The following AGPAT5 variants were observed in gnomAD, a reference collection of about 807,000 sequenced individuals.
The protein encoded by AGPAT5 is 1-acyl-sn-glycerol-3-phosphate acyltransferase epsilon.
Under a neutral mutation model 45.6 loss-of-function variants are expected in AGPAT5, and 46 were observed. The ratio of observed to expected loss-of-function variants is 1.01; its 90% CI spans 0.80 to 1.29. AGPAT5 has a LOEUF of 1.29. Ranked by LOEUF, AGPAT5 falls within the 50% of genes most tolerant of loss-of-function variation. The pLI is 0.00. For missense variants in AGPAT5, 673 were observed against 450.7 expected, an observed-to-expected ratio of 1.49 and a Z score of -4.47; for synonymous variants, 272 against 167.0, an observed-to-expected ratio of 1.63 and a Z score of -4.85.
chr8:6,755,121 A>G lies in AGPAT5; in HGVS notation c.816A>G (p.Glu272=). The stretch of plus-strand genomic sequence containing the variant: ...GTATCGACAAAAAAGATGTCCCAGA[A>G]GAACAAGAACATATGAGAAGATGGC... The part of the protein sequence containing the change: ...IDRIDKKDVP[E]EQEHMRRWLH... Residue 272 remains glutamate, a synonymous_variant, in exon 7 of 8, where the codon GAA becomes GAG. Transcript: ENST00000285518. 6.2e-7 allele frequency: 1 copy of G among 1,609,344 alleles called. No homozygotes were observed. The highest frequency in any genetic ancestry group is 1.1e-5 in the South Asian group (1 of 89,326).
chr8:6,757,104 T>C lies in AGPAT5; in HGVS notation c.870-59T>C, dbSNP rs532610949. 5.3e-6 allele frequency: 7 copies of C among 1,323,760 alleles called. No homozygotes were observed. In the East Asian group the frequency reaches 1.7e-4, roughly 32 times the overall value. 82.0% of individuals were successfully genotyped at this position (1,323,760 alleles called of 1,614,324 possible). A position where few individuals can be genotyped will look rare whatever the true frequency, so the allele number is the denominator to read the frequency against. Reference sequence around the variant, plus strand: ...GCGTGTAATAGCTACCTGATTGATATTTTTTGAATTGAAATACTGAAGTGA... The same window carrying C: ...GCGTGTAATAGCTACCTGATTGATACTTTTTGAATTGAAATACTGAAGTGA... On this transcript the variant is annotated intron_variant, in intron 7 of 7. Transcript: ENST00000285518.
intron 1 of AGPAT5, among the ~76,000 whole-genome samples, chr8:6,710,415 A>G (rs1240435667): frequency 1.3e-5 from 2 of 152,220 alleles, no homozygotes; most frequent in Non-Finnish European, 1.5e-5. Context: ...ATTTTCATGC[A>G]TTTATGAAAG....
intron 1 of AGPAT5, 34 bp downstream of exon 1, chr8:6,708,921 C>T (rs1437690162): frequency 1.1e-5 from 18 of 1,574,562 alleles, no homozygotes; most frequent in Non-Finnish European, 1.5e-5. Flanking sequence ...TCTCGGCGTC[C>T]ACCCGAGCTC....
intron 1 of AGPAT5, among the ~76,000 whole-genome samples, chr8:6,710,907 G>C (rs1046723614): frequency 4.6e-5 from 7 of 152,048 alleles, no homozygotes; most frequent in South Asian, 2.1e-4. Context: ...GTTTTGTTAG[G>C]ACACTCTTTT....
intron 4 of AGPAT5, among the ~76,000 whole-genome samples, chr8:6,739,252 A>C (rs1042714644): frequency 2.0e-5 from 3 of 152,054 alleles, no homozygotes; most frequent in African/African-American, 7.2e-5. Context: ...CTTTCTTTTC[A>C]AAGTTGTTTT....
intron 4 of AGPAT5, 37 bp from the exon 5 acceptor site, chr8:6,741,624 C>T (rs776325827): frequency 1.4e-6 from 2 of 1,455,630 alleles, no homozygotes; most frequent in South Asian, 1.3e-5. Context: ...AAACAAAGCT[C>T]ACACAAAATA....
At chr8:6,743,852 A>T (rs2936502) in intron 5 of AGPAT5, among the ~76,000 whole-genome samples, 112,948 of 151,560 alleles carry the variant, frequency 0.75, 43,315 homozygotes, top group African/African-American at 0.92. Context: ...ACTCTCTTAA[A>T]AGAAAACAGA....
chr8:6,748,907 G>T (rs1801565180), intron 6 of AGPAT5, among the ~76,000 whole-genome samples: 1 of 152,182 alleles, frequency 6.6e-6, no homozygotes, highest in Admixed American at 6.5e-5. Context: ...ACCCTCACCT[G>T]AAGCATTCGT....
chr8:6,714,443 ATG>A (rs1207697844), intron 1 of AGPAT5, among the ~76,000 whole-genome samples: 1 of 152,272 alleles, frequency 6.6e-6, no homozygotes, highest in Non-Finnish European at 1.5e-5. Context: ...TACTAAAAAA[ATG>A]TAACTAGAAC....
At chr8:6,710,910 A>G (rs1420395126) in intron 1 of AGPAT5, among the ~76,000 whole-genome samples, 5 of 151,760 alleles carry the variant, frequency 3.3e-5, no homozygotes, top group Non-Finnish European at 5.9e-5. Flanking sequence ...TTGTTAGGAC[A>G]CTCTTTTTTT....
intron 2 of AGPAT5, among the ~76,000 whole-genome samples, chr8:6,725,427 A>T (rs1587014805): frequency 1.3e-5 from 2 of 152,160 alleles, no homozygotes; most frequent in South Asian, 4.1e-4. Flanking sequence ...CTACTGTTCC[A>T]TCAGAGGAAT....
At chr8:6,752,551 G>A (rs995857200) in intron 6 of AGPAT5, among the ~76,000 whole-genome samples, 2 of 149,636 alleles carry the variant, frequency 1.3e-5, no homozygotes, top group Admixed American at 6.7e-5. Flanking sequence ...TGGGTCCTGT[G>A]TGTTGCCTTC....
chr8:6,711,436 G>A (rs1402028925), intron 1 of AGPAT5, among the ~76,000 whole-genome samples: 2 of 152,098 alleles, frequency 1.3e-5, no homozygotes, highest in East Asian at 1.9e-4. Context: ...ATCTCTCATT[G>A]GTACTGAAAC....
chr8:6,755,042 CTTT>C lies in AGPAT5; in HGVS notation c.746-8_746-6del, dbSNP rs746562673. ...GTAAAAAAAAAGAATTATTTTTGTTCTTTGTTAGAATTTCTCTGCAAAGAATGT... is the reference window on the plus strand; with the variant it reads ...GTAAAAAAAAAGAATTATTTTTGTTCGTTAGAATTTCTCTGCAAAGAATGT... On this transcript the variant is annotated splice_region_variant and splice_polypyrimidine_tract_variant and intron_variant, in intron 6 of 7. Coordinates refer to ENST00000285518, the MANE Select transcript of AGPAT5 (RefSeq NM_018361.5). 3 of 1,563,724 alleles carry C rather than the reference CTTT, an allele frequency of 1.9e-6. No homozygotes were observed. The highest frequency in any genetic ancestry group is 2.6e-6 in the Non-Finnish European group (3 of 1,159,326).
At position 6,760,351 on chromosome 8, in the gene AGPAT5, A is replaced by T. The variant is rs146865794; in HGVS notation, c.*2963A>T. Reference sequence around the variant, plus strand: ...AGGTTGAGATTGCAGTGAGCCATGGACATACCACTGCACTACAGCCTAGGT... The same window carrying T: ...AGGTTGAGATTGCAGTGAGCCATGGTCATACCACTGCACTACAGCCTAGGT... On this transcript the variant is annotated 3_prime_UTR_variant, in exon 8 of 8. Transcript: ENST00000285518. Among the ~76,000 whole-genome samples, 2 of 152,254 alleles carry T rather than the reference A, an allele frequency of 1.3e-5. No homozygotes were observed. The highest frequency in any genetic ancestry group is 3.9e-4 in the East Asian group (2 of 5,182).
At chr8:6,747,963 T>C in intron 6 of AGPAT5, 135 bp downstream of exon 6, 2 of 956,416 alleles carry the variant, frequency 2.1e-6, no homozygotes, top group Non-Finnish European at 3.0e-6. Context: ...TTTTTCAAGA[T>C]GTTATTAAGA....
intron 1 of AGPAT5, among the ~76,000 whole-genome samples, chr8:6,724,465 TA>T (rs1430255942): frequency 6.6e-6 from 1 of 152,198 alleles, no homozygotes; most frequent in African/African-American, 2.4e-5. Context: ...TTTAAAACCT[TA>T]AAAAGGTACC....
chr8:6,724,325 C>T (rs1235860958), intron 1 of AGPAT5, among the ~76,000 whole-genome samples: 1 of 152,166 alleles, frequency 6.6e-6, no homozygotes, highest in East Asian at 1.9e-4. Flanking sequence ...CGTTCTTATT[C>T]TCATGAACAT....
chr8:6,741,783 A>T, intron 5 of AGPAT5, 32 bp downstream of exon 5: 2 of 1,491,040 alleles, frequency 1.3e-6, no homozygotes, highest in Non-Finnish European at 1.9e-6. Flanking sequence ...TGAACAAATA[A>T]TTTTCAAAGA....
Sources: allele counts gnomAD v4.1 joint callset (sites outside exome capture counted in the v4.1 genomes callset), GRCh38; gene constraint gnomAD v4.1.1; transcripts MANE v1.5; gene names NCBI Gene and HGNC (gene_info 2026-07-23, HGNC 2026-07-21).